Variants in AP5M1 observed in about 807,000 individuals in gnomAD.
The protein encoded by AP5M1 is AP-5 complex subunit mu-1.
AP5M1 carries 44 observed loss-of-function variants against 52.3 expected under a neutral mutation model. The observed-to-expected ratio is 0.84, with a 90% confidence interval of 0.66 to 1.08. The LOEUF (loss-of-function observed/expected upper bound fraction) is 1.08. Among genes scored for constraint, AP5M1 ranks in the 50% least tolerant of loss-of-function variants. AP5M1 has a pLI of 0.00. For synonymous variants in AP5M1, 213 were observed against 199.0 expected (o/e 1.07, Z -0.59); for missense variants, 526 against 568.4 (o/e 0.93, Z 0.76).
Position 57,298,562 on chromosome 14 carries a change from T to G in AP5M1, c.*9678T>G, listed in dbSNP as rs1885598711. 2 of 152,190 alleles carry G rather than the reference T, an allele frequency of 1.3e-5. No homozygotes were observed. The highest frequency in any genetic ancestry group is 4.8e-5 in the African/African-American group (2 of 41,456). The allele number at this position is 152,190 out of a possible 1,614,324, so 9.4% of individuals were successfully genotyped here. ...TTCATTCCCTTCTGTATCAAAGACT[T>G]ATAATGGCCTTTTCATGGAATTGTC... On this transcript the variant is annotated 3_prime_UTR_variant, in exon 8 of 8. Coordinates refer to ENST00000261558, the MANE Select transcript of AP5M1 (RefSeq NM_018229.4).
chr14:57,281,444 A>G (rs1885172336), intron 3 of AP5M1, among the ~76,000 whole-genome samples: 1 of 152,260 alleles, frequency 6.6e-6, no homozygotes, highest in Admixed American at 6.5e-5. Context: ...AAGGATAAGA[A>G]AAGAAGCAGA....
chr14:57,280,667 C>T (rs1419243694), intron 3 of AP5M1, among the ~76,000 whole-genome samples: 1 of 151,946 alleles, frequency 6.6e-6, no homozygotes, highest in Non-Finnish European at 1.5e-5. Flanking sequence ...CTGGCCAACA[C>T]GATGAAACCT....
At position 57,292,639 on chromosome 14, in the gene AP5M1, T is replaced by G. The variant is rs1436566793; in HGVS notation, c.*3755T>G. ...ACTACATTCTAAGTATTGCTTCTAG[T>G]TTTGTTTCATGCACTAGGGTATACT... is the stretch of plus-strand genomic sequence containing the variant. On this transcript the variant is annotated 3_prime_UTR_variant, in exon 8 of 8. Transcript: ENST00000261558. The G allele has an allele frequency of 6.6e-6, 1 of 151,822 alleles. No individual in the cohort carries two copies. The highest frequency in any genetic ancestry group is 1.5e-5 in the Non-Finnish European group (1 of 67,808). The allele number at this position is 151,822 out of a possible 1,614,324, so 9.4% of individuals were successfully genotyped here.
In AP5M1 at chr14:57,286,320, G is replaced by GT; in HGVS notation, c.1390+2dup. The stretch of plus-strand genomic sequence containing the variant: ...TCAGGAAAACCAAAAATAAGTGCAC[G>GT]TAAGTTACACAGATTCAAACTAACT... On this transcript the variant is annotated splice_donor_variant, in intron 7 of 7. Transcript: ENST00000261558. LOFTEE classifies it high-confidence loss of function. 1 of 1,585,772 alleles carries GT rather than the reference G, an allele frequency of 6.3e-7. No homozygotes were observed. Among genetic ancestry groups the GT allele is most frequent in the Non-Finnish European group, 8.7e-7 (1 of 1,154,742 alleles).
At chr14:57,281,067 ATAT>A (rs550658496) in intron 3 of AP5M1, among the ~76,000 whole-genome samples, 26 of 152,082 alleles carry the variant, frequency 1.7e-4, no homozygotes, top group Non-Finnish European at 3.4e-4. Flanking sequence ...TTACAAATAT[ATAT>A]TATTATTAAT....
In AP5M1 at chr14:57,274,402, T is replaced by G; in HGVS notation, c.233T>G (p.Ile78Ser). Residue 78 changes from isoleucine to serine, a missense_variant, in exon 2 of 8, where the codon ATC becomes AGC. Ile to Ser is a moderately radical substitution (Grantham distance 142, BLOSUM62 -2). This residue lies in a region of AP5M1 where 425 missense variants were observed against 430.6 expected (regional missense o/e 0.99). Coordinates refer to ENST00000261558, the MANE Select transcript of AP5M1 (RefSeq NM_018229.4). ...GAGAGTCGTGATAGCTGTTCACGCA[T>G]CAATAAAACATCCATTTATGGACTC... is the stretch of plus-strand genomic sequence containing the variant. ...FVESRDSCSR[I>S]NKTSIYGLLI... The G allele has an allele frequency of 6.2e-7, 1 of 1,614,168 alleles. No individual in the cohort carries two copies.
In AP5M1 at chr14:57,297,877, G is replaced by A. The variant is rs879514675; in HGVS notation, c.*8993G>A. The A allele has an allele frequency of 5.9e-5, 9 of 152,132 alleles. No homozygotes were observed. Among genetic ancestry groups the A allele is most frequent in the Admixed American group, 5.9e-4 (9 of 15,260 alleles). 9.4% of individuals were successfully genotyped at this position (152,132 alleles called of 1,614,324 possible). ...AGGGTTTTGCATGTGTATATAGAAA[G>A]GCTATTTTGCAAACAGTGGTTCAGT... On this transcript the variant is annotated 3_prime_UTR_variant, in exon 8 of 8. Coordinates refer to ENST00000261558, the MANE Select transcript of AP5M1 (RefSeq NM_018229.4).
At chr14:57,272,589 A>C (rs182562576) in intron 1 of AP5M1, among the ~76,000 whole-genome samples, 281 of 152,296 alleles carry the variant, frequency 1.8e-3, no homozygotes, top group Admixed American at 3.3e-3. Flanking sequence ...TATTGAACAC[A>C]TATTGGGGTG....
chr14:57,274,343 A>G lies in AP5M1; in HGVS notation c.174A>G (p.Glu58=). ...CCTTTCTTAAAGCACTGCTCTTTGAACTTAGATTATTGGATGATGATAAAG... is the reference window on the plus strand; with the variant it reads ...CCTTTCTTAAAGCACTGCTCTTTGAGCTTAGATTATTGGATGATGATAAAG... ...DGPFLKALLF[E]LRLLDDDKDF... Residue 58 remains glutamate, a synonymous_variant, in exon 2 of 8, where the codon GAA becomes GAG. Transcript: ENST00000261558. The G allele has an allele frequency of 6.2e-7, 1 of 1,614,172 alleles. No individual in the cohort carries two copies. Among genetic ancestry groups the G allele is most frequent in the Non-Finnish European group, 8.5e-7 (1 of 1,180,028 alleles).
intron 3 of AP5M1, among the ~76,000 whole-genome samples, chr14:57,281,627 C>T (rs1325390222): frequency 6.6e-6 from 1 of 152,212 alleles, no homozygotes; most frequent in Non-Finnish European, 1.5e-5. Flanking sequence ...CTGTGTCTTA[C>T]TTCACATGTA....
chr14:57,281,968 C>A, intron 3 of AP5M1, 121 bp from the exon 4 acceptor site: 1 of 783,868 alleles, frequency 1.3e-6, no homozygotes, highest in East Asian at 3.2e-5. Flanking sequence ...TTCATCATTG[C>A]TGTTACCAAA....
chr14:57,282,061 T>C (rs1484104610), intron 3 of AP5M1, 28 bp from the exon 4 acceptor site: 1 of 1,530,150 alleles, frequency 6.5e-7, no homozygotes, highest in Non-Finnish European at 8.7e-7. Context: ...AACCTGAGAA[T>C]TATATAGACA....
chr14:57,279,545 G>C (rs146683896), intron 2 of AP5M1, among the ~76,000 whole-genome samples: 18 of 152,278 alleles, frequency 1.2e-4, no homozygotes, highest in Non-Finnish European at 2.5e-4. Flanking sequence ...GGTTAGAGGA[G>C]GGAGAGCATC....
rs1389079186 is a variant in AP5M1 at position 57,291,426 on chromosome 14, A to G, written c.*2542A>G. The G allele has an allele frequency of 6.6e-6, 1 of 152,066 alleles. No individual in the cohort carries two copies. Among genetic ancestry groups the G allele is most frequent in the South Asian group, 2.1e-4 (1 of 4,834 alleles). 9.4% of individuals were successfully genotyped at this position (152,066 alleles called of 1,614,324 possible). ...GAATGAACTCCAGAAAAGATCGTTCATGATTTTGTAAACGCTTCTTTTCTC... is the reference window on the plus strand; with the variant it reads ...GAATGAACTCCAGAAAAGATCGTTCGTGATTTTGTAAACGCTTCTTTTCTC... On this transcript the variant is annotated 3_prime_UTR_variant, in exon 8 of 8. Coordinates refer to ENST00000261558, the MANE Select transcript of AP5M1 (RefSeq NM_018229.4).
At position 57,290,641 on chromosome 14, in the gene AP5M1, G is replaced by A. The variant is rs375745599; in HGVS notation, c.*1757G>A. 6.6e-5 allele frequency: 10 copies of A among 151,846 alleles called. No individual in the cohort carries two copies. The highest frequency in any genetic ancestry group is 2.1e-4 in the South Asian group (1 of 4,816). 9.4% of individuals were successfully genotyped at this position (151,846 alleles called of 1,614,324 possible). ...CTTCTATTTGACATTTCTAGAAACC[G>A]GAGGAAAATCTAGGGTGTCCTGGAA... is the stretch of plus-strand genomic sequence containing the variant. On this transcript the variant is annotated 3_prime_UTR_variant, in exon 8 of 8. Coordinates refer to ENST00000261558, the MANE Select transcript of AP5M1 (RefSeq NM_018229.4).
At chr14:57,277,625 C>T (rs1189257965) in intron 2 of AP5M1, among the ~76,000 whole-genome samples, 1 of 151,792 alleles carries the variant, frequency 6.6e-6, no homozygotes, top group African/African-American at 2.4e-5. Context: ...ATATACTACT[C>T]TTCGTAATGC....
At chr14:57,279,198 T>G (rs1364018173) in intron 2 of AP5M1, among the ~76,000 whole-genome samples, 1 of 152,150 alleles carries the variant, frequency 6.6e-6, no homozygotes, top group African/African-American at 2.4e-5. Context: ...CAAAGAAATA[T>G]AAATCATTCT....
chr14:57,295,734 AACTC>A lies in AP5M1; in HGVS notation c.*6852_*6855del, dbSNP rs1308476985. ...ATTCCATTAAAAAAAAAAAGAAAGA[AACTC>A]ATTTATTTATTTATTTGGGTATACC... On this transcript the variant is annotated 3_prime_UTR_variant, in exon 8 of 8. Transcript: ENST00000261558. The A allele has an allele frequency of 6.6e-6, 1 of 151,872 alleles. No individual in the cohort carries two copies. Among genetic ancestry groups the A allele is most frequent in the African/African-American group, 2.4e-5 (1 of 41,392 alleles). 9.4% of individuals were successfully genotyped at this position (151,872 alleles called of 1,614,324 possible). A position where few individuals can be genotyped will look rare whatever the true frequency, so the allele number is the denominator to read the frequency against.
chr14:57,278,245 T>A (rs1398962596), intron 2 of AP5M1, among the ~76,000 whole-genome samples: 20 of 152,178 alleles, frequency 1.3e-4, no homozygotes, highest in Admixed American at 1.3e-3. Context: ...AGGAAATAAG[T>A]CTTTGATCCT....
Sources: allele counts gnomAD v4.1 joint callset (sites outside exome capture counted in the v4.1 genomes callset), GRCh38; gene constraint gnomAD v4.1.1; regional missense constraint gnomAD v4.1.1; transcripts MANE v1.5; gene names NCBI Gene and HGNC (gene_info 2026-07-23, HGNC 2026-07-21).